Variants in DDX60L observed in about 807,000 individuals in gnomAD.
The protein encoded by DDX60L is DExD/H-box 60 like.
DDX60L carries 191 observed loss-of-function variants against 211.6 expected under a neutral mutation model. The ratio of observed to expected loss-of-function variants is 0.90; its 90% CI spans 0.80 to 1.02. The LOEUF is 1.02. Ranked by LOEUF, DDX60L falls within the 50% of genes least tolerant of loss-of-function variation. The pLI, the probability that DDX60L is intolerant of heterozygous loss-of-function variation, is 0.00. For missense variants in DDX60L, 2,007 were observed against 1,984.1 expected (o/e 1.01, Z -0.22); for synonymous variants, 706 against 694.1 (o/e 1.02, Z -0.27).
At chr4:168,383,399 A>C (rs1743297576) in intron 30 of DDX60L, among the ~76,000 whole-genome samples, 1 of 152,206 alleles carries the variant, frequency 6.6e-6, no homozygotes, top group Non-Finnish European at 1.5e-5. Flanking sequence ...TTGTCCCAAA[A>C]AGTATTCTGC....
intron 4 of DDX60L, among the ~76,000 whole-genome samples, chr4:168,467,860 C>A (rs1022295868): frequency 3.3e-5 from 5 of 152,070 alleles, no homozygotes; most frequent in African/African-American, 7.2e-5. Context: ...CAAAACCAAA[C>A]GAAGGCATTA....
chr4:168,367,785 T>C (rs1740251064), intron 36 of DDX60L, among the ~76,000 whole-genome samples: 2 of 152,324 alleles, frequency 1.3e-5, no homozygotes, highest in African/African-American at 4.8e-5. Flanking sequence ...AGGAACTTAT[T>C]GGGAACTGGA....
In DDX60L at chr4:168,357,426, G is replaced by T. The variant is rs577983068; in HGVS notation, c.*721C>A. 6.6e-6 allele frequency: 1 copy of T among 152,328 alleles called. No homozygotes were observed. The highest frequency in any genetic ancestry group is 1.5e-5 in the Non-Finnish European group (1 of 68,160). 9.4% of individuals were successfully genotyped at this position (152,328 alleles called of 1,614,324 possible). ...AGGCTGGAAAGTTCAAGATCATGGT[G>T]TAAGTAGATTCAGTTCTGTTGAGGG... On this transcript the variant is annotated 3_prime_UTR_variant, in exon 38 of 38. Coordinates refer to ENST00000682922, the MANE Select transcript of DDX60L (RefSeq NM_001012967.3).
At chr4:168,429,414 T>G (rs1026090626) in intron 13 of DDX60L, among the ~76,000 whole-genome samples, 1 of 152,228 alleles carries the variant, frequency 6.6e-6, no homozygotes, top group Non-Finnish European at 1.5e-5. Context: ...CCTCCCAAAG[T>G]GCTGGGATTA....
At chr4:168,411,182 C>T (rs191799890) in intron 22 of DDX60L, among the ~76,000 whole-genome samples, 1 of 152,300 alleles carries the variant, frequency 6.6e-6, no homozygotes, top group Non-Finnish European at 1.5e-5. Context: ...ATAGAAGCCT[C>T]CTGTGAGAAT....
At chr4:168,365,541 G>GAA (rs554717166) in intron 36 of DDX60L, among the ~76,000 whole-genome samples, 2 of 129,164 alleles carry the variant, frequency 1.5e-5, no homozygotes. Flanking sequence ...TTTTTCATCA[G>GAA]AAAAAAAAAA....
chr4:168,423,054 C>G (rs1750912555), intron 15 of DDX60L, among the ~76,000 whole-genome samples: 1 of 150,784 alleles, frequency 6.6e-6, no homozygotes, highest in South Asian at 2.1e-4. Context: ...CTACTGGGCT[C>G]AAGTGATCTG....
intron 29 of DDX60L, among the ~76,000 whole-genome samples, chr4:168,389,114 T>C (rs1744375545): frequency 6.6e-6 from 1 of 152,174 alleles, no homozygotes; most frequent in South Asian, 2.1e-4. Context: ...ATTCACAGCC[T>C]TGTGTAATCT....
Position 168,432,477 on chromosome 4 carries a change from G to A in DDX60L, c.1494C>T (p.Asp498=). ...CACCATCAACATGACATTTGATCCT[G>A]TCATAGTCGTCACTAAGGAGTCTTT... The part of the protein sequence containing the change: ...HAQRLLSDDY[D]RIKCHVDEQS... Residue 498 remains aspartate, a synonymous_variant, in exon 12 of 38, where the codon GAC becomes GAT. Transcript: ENST00000682922. 6.3e-7 allele frequency: 1 copy of A among 1,577,258 alleles called. No homozygotes were observed. The highest frequency in any genetic ancestry group is 1.8e-5 in the Admixed American group (1 of 56,728).
chr4:168,360,625 G>C (rs755919719), intron 37 of DDX60L, among the ~76,000 whole-genome samples: 8 of 152,232 alleles, frequency 5.3e-5, no homozygotes, highest in Non-Finnish European at 1.0e-4. Flanking sequence ...ATGGAGCATA[G>C]AGAAAGGAGT....
intron 3 of DDX60L, 96 bp downstream of exon 3, chr4:168,472,359 T>C: frequency 1.1e-6 from 1 of 895,374 alleles, no homozygotes; most frequent in South Asian, 1.7e-5. Flanking sequence ...GATAAATAGG[T>C]TGAGTGATCA....
chr4:168,408,492 T>C (rs145101679), intron 22 of DDX60L, among the ~76,000 whole-genome samples: 4 of 152,286 alleles, frequency 2.6e-5, no homozygotes, highest in African/African-American at 7.2e-5. Context: ...TCTCTTAAGC[T>C]GGCCTAGATA....
chr4:168,437,633 T>C (rs759992442), intron 10 of DDX60L, among the ~76,000 whole-genome samples: 4 of 152,170 alleles, frequency 2.6e-5, no homozygotes, highest in Non-Finnish European at 5.9e-5. Context: ...TGACTAGCGT[T>C]AATGTTAAAA....
At chr4:168,361,244 A>G (rs546518275) in intron 36 of DDX60L, 33 bp from the exon 37 acceptor site, 2 of 1,389,872 alleles carry the variant, frequency 1.4e-6, no homozygotes, top group Admixed American at 3.6e-5. Context: ...ATTAAAAAGT[A>G]TAAAAACATA....
intron 4 of DDX60L, among the ~76,000 whole-genome samples, chr4:168,464,733 CTA>C (rs1269659240): frequency 1.3e-5 from 2 of 152,142 alleles, no homozygotes; most frequent in East Asian, 3.9e-4. Flanking sequence ...GCTCTTCTAA[CTA>C]TGTGAAAAAA....
chr4:168,432,922 A>G, intron 11 of DDX60L, 88 bp downstream of exon 11: 1 of 762,898 alleles, frequency 1.3e-6, no homozygotes, highest in Non-Finnish European at 2.2e-6. Flanking sequence ...CTGATATGAT[A>G]TATTACATAG....
intron 4 of DDX60L, among the ~76,000 whole-genome samples, chr4:168,465,451 TTACTC>T (rs1757864252): frequency 6.6e-6 from 1 of 152,170 alleles, no homozygotes; most frequent in African/African-American, 2.4e-5. Flanking sequence ...AGGTGTCTCT[TTACTC>T]TGTTGATTAT....
chr4:168,369,718 A>G (rs1343739382), intron 36 of DDX60L, among the ~76,000 whole-genome samples: 1 of 152,088 alleles, frequency 6.6e-6, no homozygotes, highest in African/African-American at 2.4e-5. Flanking sequence ...ATACATAAGA[A>G]ACATAACAGC....
rs146755031 is a variant in DDX60L, at chr4:168,433,599, T to A, written c.1295-484A>T. Among the ~76,000 whole-genome samples, 981 of 152,326 alleles carry A rather than the reference T, an allele frequency of 6.4e-3. 6 individuals carry two copies. The highest frequency in any genetic ancestry group is 9.0e-3 in the Non-Finnish European group (609 of 68,002). ...TTAATTTCTATTTTCACAGTTCCTA[T>A]GTATGGTTTACATGCTGAATATAAT... On this transcript the variant is annotated intron_variant, in intron 10 of 37. Coordinates refer to ENST00000682922, the MANE Select transcript of DDX60L (RefSeq NM_001012967.3).
Sources: gnomAD v4.1 joint callset for allele counts (sites outside exome capture counted in the v4.1 genomes callset) on GRCh38, gnomAD v4.1.1 for gene constraint, MANE v1.5 for transcripts, NCBI Gene and HGNC (gene_info 2026-07-23, HGNC 2026-07-21) for gene names.